The following WWC2 variants were observed in gnomAD, a reference collection of about 807,000 sequenced individuals.
WWC2 encodes the protein WW and C2 domain containing 2, also known as protein WWC2.
In WWC2, 101 loss-of-function variants were observed where a neutral mutation model predicts 138.5. The ratio of observed to expected loss-of-function variants is 0.73; its 90% CI spans 0.62 to 0.86. WWC2 has a LOEUF of 0.86. Ranked by LOEUF, WWC2 falls within the 40% of genes least tolerant of loss-of-function variation. The pLI is 0.00. For synonymous variants in WWC2, 558 were observed against 538.4 expected, an observed-to-expected ratio of 1.04 and a Z score of -0.50; for missense variants, 1,420 against 1,419.4, an observed-to-expected ratio of 1.00 and a Z score of -0.01.
chr4:183,261,554 C>A, intron 11 of WWC2, 22 bp downstream of exon 11: 1 of 1,591,146 alleles, frequency 6.3e-7, no homozygotes, highest in South Asian at 1.1e-5. Context: ...CCTTTGCTTT[C>A]ATGTATTCCC....
At chr4:183,172,660 T>C (rs1236182543) in intron 1 of WWC2, among the ~76,000 whole-genome samples, 3 of 151,810 alleles carry the variant, frequency 2.0e-5, no homozygotes, top group African/African-American at 7.3e-5. Context: ...TGTTCTAAAA[T>C]TTCACAATGT....
At position 183,312,241 on chromosome 4, in the gene WWC2, T is replaced by C. The variant is rs1229530553; in HGVS notation, c.3385-100T>C. On this transcript the variant is annotated intron_variant, in intron 21 of 22. Transcript: ENST00000403733. The stretch of plus-strand genomic sequence containing the variant: ...AGCCCACTGGCTGCCTTGCTTGCCC[T>C]CCTGACTTTAGTCCACAATCTTTGA... The C allele has an allele frequency of 4.6e-6, 7 of 1,531,410 alleles. No homozygotes were observed. The Admixed American group carries it at 1.2e-4, about 27-fold the overall frequency. 94.9% of individuals were successfully genotyped at this position (1,531,410 alleles called of 1,614,324 possible). A position where few individuals can be genotyped will look rare whatever the true frequency, so the allele number is the denominator to read the frequency against.
In WWC2 at chr4:183,207,992, G is replaced by C; in HGVS notation, c.281G>C (p.Gly94Ala). 5.6e-6 allele frequency: 9 copies of C among 1,613,054 alleles called. No individual in the cohort carries two copies. Among genetic ancestry groups the C allele is most frequent in the Non-Finnish European group, 7.6e-6 (9 of 1,179,384 alleles). ...QIEDPRKQWR[G>A]EQEKMLKDYL... is the part of the protein sequence containing the mutation. ...GAAGATCCAAGAAAACAATGGAGGG[G>C]GGAACAGGAGAAGATGCTCAAGGAC... Residue 94 changes from glycine to alanine, a missense_variant, in exon 3 of 23, where the codon GGG (glycine) becomes GCG (alanine). Coordinates refer to ENST00000403733, the MANE Select transcript of WWC2 (RefSeq NM_024949.6).
chr4:183,318,954 A>G lies in WWC2; in HGVS notation c.*3225A>G, dbSNP rs2111138839. The G allele has an allele frequency of 6.6e-6, 1 of 152,512 alleles. No individual in the cohort carries two copies. The highest frequency in any genetic ancestry group is 1.9e-4 in the East Asian group (1 of 5,190). The allele number at this position is 152,512 out of a possible 1,614,324, so 9.4% of individuals were successfully genotyped here. On this transcript the variant is annotated 3_prime_UTR_variant, in exon 23 of 23. Transcript: ENST00000403733. ...ACGTTTGTGTGGCAGAGTCTACTTG[A>G]ATCATCCAAAACCCAAGATCGCCCT...
intron 1 of WWC2, among the ~76,000 whole-genome samples, chr4:183,103,662 G>A (rs987419548): frequency 3.7e-5 from 5 of 133,652 alleles, no homozygotes; most frequent in Non-Finnish European, 7.8e-5. Context: ...TTTTTGAGAC[G>A]GAGTCTTGCT....
Position 183,117,247 on chromosome 4 carries a change from G to A in WWC2, c.131+17625G>A, listed in dbSNP as rs536872735. Among the ~76,000 whole-genome samples, 3 of 124,984 alleles carry A rather than the reference G, an allele frequency of 2.4e-5. No homozygotes were observed. The East Asian group carries it at 7.0e-4, about 29-fold the overall frequency. 82.0% of individuals were successfully genotyped at this position (124,984 alleles called of 152,430 possible). A position where few individuals can be genotyped will look rare whatever the true frequency, so the allele number is the denominator to read the frequency against. On this transcript the variant is annotated intron_variant, in intron 1 of 22. Coordinates refer to ENST00000403733, the MANE Select transcript of WWC2 (RefSeq NM_024949.6). ...TTTTTTTTTTTTTTTTTTTGATGGA[G>A]TCTTGCTCTGTCCCCCAGGCTGGAG...
In WWC2 at chr4:183,319,820, G is replaced by A. The variant is rs1739575576; in HGVS notation, c.*4091G>A. The A allele has an allele frequency of 2.5e-6, 4 of 1,613,920 alleles. No homozygotes were observed. The highest frequency in any genetic ancestry group is 3.4e-6 in the Non-Finnish European group (4 of 1,179,894). On this transcript the variant is annotated 3_prime_UTR_variant, in exon 23 of 23. Coordinates refer to ENST00000403733, the MANE Select transcript of WWC2 (RefSeq NM_024949.6). The stretch of plus-strand genomic sequence containing the variant: ...GGGCAACCCAAGAGACGGGAACCAG[G>A]GCTGTGACTCCCGAGGCCCAGGACA...
intron 1 of WWC2, among the ~76,000 whole-genome samples, chr4:183,151,987 A>G (rs1430179429): frequency 2.6e-5 from 4 of 152,156 alleles, no homozygotes; most frequent in South Asian, 2.1e-4. Flanking sequence ...AAGCCTCCAT[A>G]TACATTGGAA....
chr4:183,157,438 G>C (rs759748687), intron 1 of WWC2, among the ~76,000 whole-genome samples: 2 of 152,172 alleles, frequency 1.3e-5, no homozygotes, highest in Admixed American at 1.3e-4. Flanking sequence ...TCCTCTAGTG[G>C]TTGTTTTACT....
chr4:183,313,103 G>A (rs1739317274), intron 22 of WWC2, among the ~76,000 whole-genome samples: 1 of 152,140 alleles, frequency 6.6e-6, no homozygotes, highest in African/African-American at 2.4e-5. Flanking sequence ...ACCTAGGGGT[G>A]GCAGTTTTGA....
chr4:183,280,315 C>T (rs1205118321), intron 16 of WWC2, among the ~76,000 whole-genome samples: 2 of 131,872 alleles, frequency 1.5e-5, no homozygotes, highest in African/African-American at 5.6e-5. Context: ...AATGCCATGA[C>T]AGGAATATCA....
intron 4 of WWC2, among the ~76,000 whole-genome samples, chr4:183,215,419 G>A (rs1013008339): frequency 3.3e-5 from 5 of 151,800 alleles, no homozygotes; most frequent in Non-Finnish European, 5.9e-5. Flanking sequence ...GTGAAATTAG[G>A]AATGAGATGA....
At chr4:183,263,957 A>G (rs968037665) in intron 11 of WWC2, among the ~76,000 whole-genome samples, 2 of 152,146 alleles carry the variant, frequency 1.3e-5, no homozygotes, top group African/African-American at 4.8e-5. Context: ...GATGACACCA[A>G]CCACGTTGGA....
chr4:183,125,112 C>T (rs1360156831), intron 1 of WWC2, among the ~76,000 whole-genome samples: 1 of 152,128 alleles, frequency 6.6e-6, no homozygotes, highest in Non-Finnish European at 1.5e-5. Context: ...TACAGGCTTT[C>T]CTTCAGGGCT....
intron 1 of WWC2, among the ~76,000 whole-genome samples, chr4:183,176,672 C>T (rs1049399196): frequency 6.6e-6 from 1 of 152,164 alleles, no homozygotes; most frequent in Non-Finnish European, 1.5e-5. Context: ...ATCCACCCAC[C>T]TTGGCTCACC....
chr4:183,161,135 T>C (rs1037744297), intron 1 of WWC2, among the ~76,000 whole-genome samples: 1 of 152,140 alleles, frequency 6.6e-6, no homozygotes, highest in Non-Finnish European at 1.5e-5. Context: ...CTTGTTTCAG[T>C]TGTGTTTTTG....
intron 20 of WWC2, among the ~76,000 whole-genome samples, chr4:183,288,798 A>C (rs1738335939): frequency 6.6e-6 from 1 of 152,258 alleles, no homozygotes; most frequent in African/African-American, 2.4e-5. Flanking sequence ...AAGGCAACTC[A>C]GTTTAAGCAT....
intron 21 of WWC2, among the ~76,000 whole-genome samples, chr4:183,294,639 T>C (rs1738572020): frequency 6.6e-6 from 1 of 152,218 alleles, no homozygotes; most frequent in Non-Finnish European, 1.5e-5. Flanking sequence ...GCGCCAGACA[T>C]TTTCTCATGA....
intron 14 of WWC2, 48 bp from the exon 15 acceptor site, chr4:183,268,923 G>A (rs567311676): frequency 6.6e-7 from 1 of 1,509,264 alleles, no homozygotes; most frequent in Admixed American, 1.9e-5. Flanking sequence ...TGTGAATCTG[G>A]TATAATTAAA....
Sources: gnomAD v4.1 joint callset for allele counts (sites outside exome capture counted in the v4.1 genomes callset) on GRCh38, gnomAD v4.1.1 for gene constraint, MANE v1.5 for transcripts, NCBI Gene and HGNC (gene_info 2026-07-23, HGNC 2026-07-21) for gene names.